CUX2: variants seen among roughly 807,000 people sequenced by gnomAD.
The protein encoded by CUX2 is cut like homeobox 2, also known as homeobox protein cut-like 2.
CUX2 carries 40 observed loss-of-function variants against 144.8 expected under a neutral mutation model. That is an observed-to-expected ratio of 0.28 (90% CI 0.21 to 0.36). CUX2 has a LOEUF of 0.36. Ranked by LOEUF, CUX2 falls within the 10% of genes least tolerant of loss-of-function variation. The pLI, the probability that CUX2 is intolerant of heterozygous loss-of-function variation, is 1.00. For missense variants in CUX2, 1,615 were observed against 1,994.0 expected (o/e 0.81, Z 3.62); for synonymous variants, 827 against 875.6 (o/e 0.94, Z 0.98).
Position 111,310,269 on chromosome 12 carries a change from C to T in CUX2, c.1487C>T (p.Ala496Val), listed in dbSNP as rs1194307116. ...SGERLMMPPA[A>V]FKGEAGGLLV... Reference sequence around the variant, plus strand: ...GAGAGACTGATGATGCCCCCAGCCGCCTTCAAGGGAGAGGCGGGCGGCCTG... The same window carrying T: ...GAGAGACTGATGATGCCCCCAGCCGTCTTCAAGGGAGAGGCGGGCGGCCTG... The change falls in exon 15 of 22, where the codon GCC becomes GTC. Residue 496 changes from alanine (A) to valine (V), a missense_variant. Physicochemically the swap from Ala to Val is moderately conservative, Grantham distance 64 (BLOSUM62 0). Around this residue, in one of 12 missense-constraint regions of CUX2, gnomAD observed 154 missense variants for 148.4 expected, o/e 1.04. Coordinates refer to ENST00000261726, the MANE Select transcript of CUX2 (RefSeq NM_015267.4). This position sits in a 1 kb window ranked among gnomAD's most constrained non-coding sequence, Gnocchi z 7.9. The T allele has an allele frequency of 6.6e-7, 1 of 1,512,814 alleles. No homozygotes were observed. Among genetic ancestry groups the T allele is most frequent in the Non-Finnish European group, 8.9e-7 (1 of 1,129,726 alleles). 93.7% of individuals were successfully genotyped at this position (1,512,814 alleles called of 1,614,324 possible).
At chr12:111,198,742 G>T (rs552035383) in intron 1 of CUX2, among the ~76,000 whole-genome samples, 4 of 152,230 alleles carry the variant, frequency 2.6e-5, no homozygotes, top group Non-Finnish European at 4.4e-5. Context: ...GGCAGCACTG[G>T]GGGGGATGGG....
At chr12:111,260,667 A>G (rs887456855) in intron 3 of CUX2, among the ~76,000 whole-genome samples, 9 of 152,130 alleles carry the variant, frequency 5.9e-5, no homozygotes, top group Non-Finnish European at 5.9e-5. Context: ...TCCTCCTTAT[A>G]ATGTTAGATT....
At chr12:111,258,432 G>C (rs1299454741) in intron 3 of CUX2, among the ~76,000 whole-genome samples, 7 of 150,620 alleles carry the variant, frequency 4.6e-5, no homozygotes, top group Admixed American at 2.7e-4. Flanking sequence ...AGAATCACTT[G>C]AACCTGGGAG....
At chr12:111,119,757 A>G (rs1298070495) in intron 1 of CUX2, among the ~76,000 whole-genome samples, 1 of 152,212 alleles carries the variant, frequency 6.6e-6, no homozygotes, top group African/African-American at 2.4e-5. Flanking sequence ...AACGTTTACT[A>G]TTGTTAAAAA....
rs532013362 is a variant in CUX2, at chr12:111,328,658, G to A, written c.2927-5783G>A. Among the ~76,000 whole-genome samples, 44 of 150,862 alleles carry A rather than the reference G, an allele frequency of 2.9e-4. 2 individuals are homozygous for A. Among genetic ancestry groups the A allele is most frequent in the Admixed American group, 2.7e-3 (41 of 15,068 alleles). ...TCTGTCGCCCAGGCTGGAGTGCAATGGTGTGATCTCGGCTCACTGTAACCT... is the reference window on the plus strand; with the variant it reads ...TCTGTCGCCCAGGCTGGAGTGCAATAGTGTGATCTCGGCTCACTGTAACCT... On this transcript the variant is annotated intron_variant, in intron 18 of 21. Coordinates refer to ENST00000261726, the MANE Select transcript of CUX2 (RefSeq NM_015267.4).
chr12:111,122,440 A>G (rs1429378700), intron 1 of CUX2, among the ~76,000 whole-genome samples: 1 of 152,190 alleles, frequency 6.6e-6, no homozygotes, highest in Non-Finnish European at 1.5e-5. Flanking sequence ...AAAGTTCGGA[A>G]TATAAAACGG....
In CUX2 at chr12:111,334,481, C is replaced by A. The variant is rs1017332335; in HGVS notation, c.2967C>A (p.Pro989=). Residue 989 remains proline (P), a synonymous_variant, in exon 19 of 22, where the codon CCC becomes CCA. Coordinates refer to ENST00000261726, the MANE Select transcript of CUX2 (RefSeq NM_015267.4). ...CAAGGTCCTCACCATCCCCACCCCC[C>A]AGCCCCACAGAGCCTGAGAAGAGCT... ...TEPRSSPSPP[P]SPTEPEKSSQ... 5 of 1,611,328 alleles carry A rather than the reference C, an allele frequency of 3.1e-6. No individual in the cohort carries two copies. Among genetic ancestry groups the A allele is most frequent in the South Asian group, 2.2e-5 (2 of 90,886 alleles).
At chr12:111,123,315 T>C (rs1380294509) in intron 1 of CUX2, among the ~76,000 whole-genome samples, 1 of 152,186 alleles carries the variant, frequency 6.6e-6, no homozygotes, top group Non-Finnish European at 1.5e-5. Flanking sequence ...CCCAAATAGC[T>C]GGGATTACAG....
chr12:111,339,240 A>AT (rs60232993), intron 20 of CUX2, among the ~76,000 whole-genome samples: 2 of 151,782 alleles, frequency 1.3e-5, no homozygotes, highest in Non-Finnish European at 1.5e-5. Context: ...AAAAAAAAAA[A>AT]GAAAGAAACA....
chr12:111,157,831 C>T (rs1178040675), intron 1 of CUX2, among the ~76,000 whole-genome samples: 1 of 152,172 alleles, frequency 6.6e-6, no homozygotes, highest in African/African-American at 2.4e-5. Flanking sequence ...GCTTTAGCAA[C>T]AGCTACAGAT....
At chr12:111,148,135 C>T (rs1435528364) in intron 1 of CUX2, among the ~76,000 whole-genome samples, 1 of 152,160 alleles carries the variant, frequency 6.6e-6, no homozygotes, top group Non-Finnish European at 1.5e-5. Flanking sequence ...CCCAGGTTGC[C>T]ATCGGTGGGT....
intron 4 of CUX2, among the ~76,000 whole-genome samples, chr12:111,270,074 A>G (rs551804484): frequency 1.2e-4 from 19 of 152,300 alleles, no homozygotes; most frequent in Non-Finnish European, 5.9e-5. Flanking sequence ...ATTAAATTTT[A>G]TCCTCAGACA....
intron 5 of CUX2, among the ~76,000 whole-genome samples, chr12:111,292,650 G>A (rs977585513): frequency 2.0e-5 from 3 of 152,130 alleles, no homozygotes; most frequent in Admixed American, 6.6e-5. Flanking sequence ...GAAAGGCCAC[G>A]TAATGTACGA....
chr12:111,138,828 G>A (rs944226565), intron 1 of CUX2, among the ~76,000 whole-genome samples: 7 of 151,968 alleles, frequency 4.6e-5, no homozygotes, highest in African/African-American at 7.3e-5. Flanking sequence ...AGCCTGGCCC[G>A]CTTCCCTCAA....
intron 9 of CUX2, among the ~76,000 whole-genome samples, chr12:111,301,888 G>A (rs1460002057): frequency 6.6e-6 from 1 of 152,190 alleles, no homozygotes; most frequent in East Asian, 1.9e-4. Flanking sequence ...AAACCTCCAG[G>A]GAAGGAAACC....
At chr12:111,292,526 G>GT (rs1885745467) in intron 5 of CUX2, among the ~76,000 whole-genome samples, 1 of 152,168 alleles carries the variant, frequency 6.6e-6, no homozygotes, top group African/African-American at 2.4e-5. Context: ...GGAGGTGGAG[G>GT]TTGCAGTGAG....
chr12:111,195,225 C>T (rs141622915), intron 1 of CUX2, among the ~76,000 whole-genome samples: 2 of 152,284 alleles, frequency 1.3e-5, no homozygotes, highest in Non-Finnish European at 2.9e-5. Flanking sequence ...TCCTGCCCAA[C>T]GCACCTTTTT....
intron 1 of CUX2, among the ~76,000 whole-genome samples, chr12:111,147,494 G>A (rs1168175262): frequency 1.3e-5 from 2 of 152,178 alleles, no homozygotes; most frequent in African/African-American, 4.8e-5. Context: ...CCTTTCCCTG[G>A]CACAGTTCCA....
intron 3 of CUX2, among the ~76,000 whole-genome samples, chr12:111,232,769 A>G (rs556136979): frequency 4.9e-4 from 74 of 152,272 alleles, no homozygotes; most frequent in Admixed American, 9.2e-4. Context: ...GAGAAATTTA[A>G]TCACCTTATT....
Sources: allele counts gnomAD v4.1 joint callset (sites outside exome capture counted in the v4.1 genomes callset), GRCh38; gene constraint gnomAD v4.1.1; regional missense constraint gnomAD v4.1.1; non-coding constraint Gnocchi (gnomAD v3.1); transcripts MANE v1.5; gene names NCBI Gene and HGNC (gene_info 2026-07-23, HGNC 2026-07-21).